Variants in ERC1 observed in about 807,000 individuals in gnomAD.
ERC1 encodes the protein ELKS/RAB6-interacting/CAST family member 1.
A neutral mutation model predicts 132.0 loss-of-function variants in ERC1; 56 were observed. The observed-to-expected ratio is 0.42, with a 90% CI of 0.34 to 0.53. The LOEUF is 0.53. Ranked by LOEUF, ERC1 falls within the 20% of genes least tolerant of loss-of-function variation. ERC1 has a pLI of 0.03. For missense variants in ERC1, 1,202 were observed against 1,349.9 expected (o/e 0.89, Z 1.72); for synonymous variants, 478 against 476.1 (o/e 1.00, Z -0.05).
chr12:1,231,825 T>C (rs983602915), intron 12 of ERC1, among the ~76,000 whole-genome samples: 3 of 152,174 alleles, frequency 2.0e-5, no homozygotes, highest in African/African-American at 7.2e-5. Context: ...CTGCAATCTC[T>C]GCCTCCCGGG....
At chr12:1,331,937 A>T (rs941646876) in intron 15 of ERC1, among the ~76,000 whole-genome samples, 2 of 152,208 alleles carry the variant, frequency 1.3e-5, no homozygotes, top group Admixed American at 6.5e-5. Context: ...CTTAACCAGA[A>T]GTATTTCTTT....
intron 12 of ERC1, among the ~76,000 whole-genome samples, chr12:1,194,063 G>T (rs1455883018): frequency 3.3e-5 from 5 of 152,128 alleles, no homozygotes; most frequent in Non-Finnish European, 4.4e-5. Flanking sequence ...CTCCTAAAAT[G>T]AGCATATTAG....
In ERC1 at chr12:1,096,993, A is replaced by G. The variant is rs968562730; in HGVS notation, c.1087-7757A>G. On this transcript the variant is annotated intron_variant, in intron 3 of 18. Coordinates refer to ENST00000360905, the MANE Select transcript of ERC1 (RefSeq NM_178040.4). ...ATCTTGTATTATATGTTAAATTAAT[A>G]TCATTCCTAGGTATCATCCCTAAGA... 2.0e-5 allele frequency among the ~76,000 whole-genome samples: 3 copies of G among 152,258 alleles called. No homozygotes were observed. The East Asian group carries it at 5.8e-4, about 29-fold the overall frequency.
intron 18 of ERC1, among the ~76,000 whole-genome samples, chr12:1,461,614 C>A (rs561859825): frequency 3.0e-4 from 45 of 152,264 alleles, no homozygotes; most frequent in African/African-American, 1.0e-3. Flanking sequence ...GTTGCGTGAG[C>A]TGAGATTGCA....
chr12:1,103,813 C>T (rs910321865), intron 3 of ERC1, among the ~76,000 whole-genome samples: 4 of 152,108 alleles, frequency 2.6e-5, no homozygotes, highest in African/African-American at 9.7e-5. Context: ...GCTGGGATTA[C>T]AGGTATGAGT....
intron 18 of ERC1, among the ~76,000 whole-genome samples, chr12:1,488,600 G>A (rs2154434561): frequency 6.6e-6 from 1 of 152,272 alleles, no homozygotes; most frequent in South Asian, 2.1e-4. Flanking sequence ...CTGAGACTCA[G>A]ACAAGTCAAG....
intron 5 of ERC1, among the ~76,000 whole-genome samples, chr12:1,110,896 G>T (rs1346668467): frequency 1.3e-5 from 2 of 152,004 alleles, no homozygotes; most frequent in Admixed American, 6.6e-5. Flanking sequence ...TAGAGATGGG[G>T]TTTCACCTTG....
chr12:1,213,827 C>G (rs530972975), intron 12 of ERC1, among the ~76,000 whole-genome samples: 2 of 151,844 alleles, frequency 1.3e-5, no homozygotes, highest in East Asian at 3.9e-4. Flanking sequence ...TCACTTGAAC[C>G]CAGGAGGCGG....
intron 3 of ERC1, among the ~76,000 whole-genome samples, chr12:1,096,721 T>C (rs994117917): frequency 6.6e-6 from 1 of 152,210 alleles, no homozygotes; most frequent in Non-Finnish European, 1.5e-5. Flanking sequence ...TGATACAATA[T>C]GGAATGCATG....
intron 3 of ERC1, among the ~76,000 whole-genome samples, chr12:1,092,055 A>G (rs574814922): frequency 2.4e-4 from 36 of 148,696 alleles, no homozygotes; most frequent in South Asian, 1.1e-3. Flanking sequence ...CTGGAGTGCA[A>G]TGGTGCGATC....
At chr12:1,489,529 T>C (rs2094294300) in intron 18 of ERC1, among the ~76,000 whole-genome samples, 1 of 152,188 alleles carries the variant, frequency 6.6e-6, no homozygotes, top group Admixed American at 6.5e-5. Context: ...TTAAAATGCT[T>C]GAAGGAATGT....
Position 1,028,205 on chromosome 12 carries a change from G to A in ERC1, c.302G>A (p.Gly101Asp), listed in dbSNP as rs780198520. 2.5e-6 allele frequency: 4 copies of A among 1,614,190 alleles called. No homozygotes were observed. The highest frequency in any genetic ancestry group is 1.6e-4 in the Middle Eastern group (1 of 6,062). Residue 101 changes from glycine to aspartate, a missense_variant, in exon 2 of 19, where the codon GGT becomes GAT. Gly to Asp is a moderately conservative substitution (Grantham distance 94). Transcript: ENST00000360905. ...CGTTCTGGGGGACGTCTGCCTTACG[G>A]TGTTCGGATGACTGCTATGGGTAGT... ...LGRSGGRLPYGVRMTAMGSSP... is the reference protein window; with the variant it reads ...LGRSGGRLPYDVRMTAMGSSP...
At chr12:1,009,907 TA>T (rs1471133608) in intron 1 of ERC1, among the ~76,000 whole-genome samples, 1 of 152,212 alleles carries the variant, frequency 6.6e-6, no homozygotes, top group African/African-American at 2.4e-5. Context: ...TTCATTTAAG[TA>T]GATTCTGCAA....
intron 17 of ERC1, among the ~76,000 whole-genome samples, chr12:1,412,426 A>G (rs2154396155): frequency 6.6e-6 from 1 of 152,344 alleles, no homozygotes; most frequent in South Asian, 2.1e-4. Flanking sequence ...TTCTGGAGTT[A>G]GGCCATTTCA....
chr12:1,000,608 C>G (rs147498492), intron 1 of ERC1, among the ~76,000 whole-genome samples: 115 of 149,612 alleles, frequency 7.7e-4, no homozygotes, highest in Non-Finnish European at 1.4e-3. Context: ...ACTAAAAATA[C>G]AAAAATTAGC....
intron 2 of ERC1, among the ~76,000 whole-genome samples, chr12:1,050,140 C>T (rs930372077): frequency 2.0e-5 from 3 of 152,198 alleles, no homozygotes; most frequent in Admixed American, 1.3e-4. Context: ...TGGGGATACC[C>T]GTTCTGTGAT....
At chr12:1,037,316 T>G (rs1045561279) in intron 2 of ERC1, among the ~76,000 whole-genome samples, 2 of 152,196 alleles carry the variant, frequency 1.3e-5, no homozygotes, top group African/African-American at 2.4e-5. Flanking sequence ...ATTTGCTAAT[T>G]TACAGCAAAT....
chr12:1,243,614 T>C (rs1337524639), intron 13 of ERC1, among the ~76,000 whole-genome samples: 1 of 152,212 alleles, frequency 6.6e-6, no homozygotes, highest in Non-Finnish European at 1.5e-5. Flanking sequence ...CTCGTGTTAC[T>C]TCATTTAGAG....
At chr12:1,096,073 A>G (rs905663850) in intron 3 of ERC1, among the ~76,000 whole-genome samples, 5 of 151,868 alleles carry the variant, frequency 3.3e-5, no homozygotes, top group South Asian at 2.1e-4. Flanking sequence ...ACTACACATG[A>G]GCACCACCAC....
Sources: allele counts gnomAD v4.1 joint callset (sites outside exome capture counted in the v4.1 genomes callset), GRCh38; gene constraint gnomAD v4.1.1; transcripts MANE v1.5; gene names NCBI Gene and HGNC (gene_info 2026-07-23, HGNC 2026-07-21).